THADA: variants seen among roughly 807,000 people sequenced by gnomAD.
THADA encodes the protein THADA armadillo repeat containing.
A neutral mutation model predicts 219.8 loss-of-function variants in THADA; 213 were observed. The observed-to-expected ratio is 0.97, with a 90% CI of 0.87 to 1.09. The LOEUF (loss-of-function observed/expected upper bound fraction) is 1.09. THADA is among the 50% of genes least tolerant of loss of function. THADA has a pLI of 0.00. For synonymous variants in THADA, 1,018 were observed against 828.9 expected (o/e 1.23, Z -3.92); for missense variants, 2,956 against 2,311.3 (o/e 1.28, Z -5.72).
At position 43,577,233 on chromosome 2, in the gene THADA, C is replaced by T. The variant is rs774739883; in HGVS notation, c.826G>A (p.Val276Met). ...SEKIPHLISSVLLRSVDCTSV... is the reference protein window; with the variant it reads ...SEKIPHLISSMLLRSVDCTSV... ...GTGCAGTCCACTGAACGAAGCAGCACACTGCTAATCTGGAAAAATATAGCA... is the reference window on the plus strand; with the variant it reads ...GTGCAGTCCACTGAACGAAGCAGCATACTGCTAATCTGGAAAAATATAGCA... The change falls in exon 10 of 38, where the codon GTG becomes ATG. Residue 276 changes from valine to methionine, a missense_variant. Transcript: ENST00000405975. 7 of 1,586,096 alleles carry T rather than the reference C, an allele frequency of 4.4e-6. No homozygotes were observed. Among genetic ancestry groups the T allele is most frequent in the Non-Finnish European group, 6.0e-6 (7 of 1,166,038 alleles).
At chr2:43,541,048 GATTTT>G (rs1695230062) in intron 21 of THADA, 106 bp downstream of exon 21, 1 of 1,059,292 alleles carries the variant, frequency 9.4e-7, no homozygotes, top group Non-Finnish European at 1.3e-6. Flanking sequence ...ACATTTGTAT[GATTTT>G]ATTCAAGAAA....
At chr2:43,520,320 T>C (rs926372014) in intron 22 of THADA, among the ~76,000 whole-genome samples, 10 of 152,216 alleles carry the variant, frequency 6.6e-5, no homozygotes, top group African/African-American at 1.2e-4. Context: ...TCTGAGTACA[T>C]TGTAAAATTG....
chr2:43,466,556 A>C (rs1684263051), intron 26 of THADA, among the ~76,000 whole-genome samples: 1 of 152,132 alleles, frequency 6.6e-6, no homozygotes, highest in African/African-American at 2.4e-5. Flanking sequence ...TTGTGGGCAA[A>C]GACTTTGACT....
At chr2:43,296,457 G>C (rs1216507838) in intron 31 of THADA, among the ~76,000 whole-genome samples, 3 of 151,658 alleles carry the variant, frequency 2.0e-5, no homozygotes. Flanking sequence ...TGTATTTTTA[G>C]TAGAGACAGG....
At chr2:43,546,855 C>A (rs931085044) in intron 20 of THADA, among the ~76,000 whole-genome samples, 2 of 152,130 alleles carry the variant, frequency 1.3e-5, no homozygotes, top group African/African-American at 2.4e-5. Flanking sequence ...TCAATTGGAG[C>A]ATTTAGTCCA....
intron 29 of THADA, among the ~76,000 whole-genome samples, chr2:43,373,109 C>T (rs1427576238): frequency 1.3e-5 from 2 of 152,164 alleles, no homozygotes; most frequent in Non-Finnish European, 2.9e-5. Flanking sequence ...ACCATCACAC[C>T]CTTTGAATTA....
At chr2:43,263,180 T>C (rs1671153834) in intron 36 of THADA, among the ~76,000 whole-genome samples, 2 of 152,208 alleles carry the variant, frequency 1.3e-5, no homozygotes, top group Admixed American at 6.5e-5. Context: ...CCCTCCCCAG[T>C]AGCCCATCCA....
intron 36 of THADA, among the ~76,000 whole-genome samples, chr2:43,272,484 G>A (rs527514695): frequency 1.3e-5 from 2 of 152,274 alleles, no homozygotes; most frequent in Non-Finnish European, 1.5e-5. Flanking sequence ...TTTGTTGAAT[G>A]AATGAACAAG....
At chr2:43,342,419 G>A (rs979215044) in intron 30 of THADA, among the ~76,000 whole-genome samples, 6 of 152,334 alleles carry the variant, frequency 3.9e-5, no homozygotes, top group East Asian at 3.9e-4. Flanking sequence ...AGCTTTCACT[G>A]TGTGGCCTGG....
intron 28 of THADA, among the ~76,000 whole-genome samples, chr2:43,405,337 C>A (rs17406451): frequency 0.31 from 46,949 of 152,008 alleles, 7,536 homozygotes; most frequent in South Asian, 0.34. Flanking sequence ...ACACACACAC[C>A]AAGTTTGTAT....
chr2:43,480,806 A>G (rs998831619), intron 26 of THADA, among the ~76,000 whole-genome samples: 3 of 150,440 alleles, frequency 2.0e-5, no homozygotes, highest in African/African-American at 7.3e-5. Context: ...CAACAGTGCG[A>G]GACTCTGTCT....
At chr2:43,450,586 A>G (rs931875595) in intron 26 of THADA, among the ~76,000 whole-genome samples, 24 of 152,222 alleles carry the variant, frequency 1.6e-4, no homozygotes, top group African/African-American at 4.3e-4. Context: ...GCTATAAGGC[A>G]TATAGAAAAC....
At chr2:43,362,368 G>T (rs1669628382) in intron 29 of THADA, among the ~76,000 whole-genome samples, 1 of 152,186 alleles carries the variant, frequency 6.6e-6, no homozygotes, top group African/African-American at 2.4e-5. Flanking sequence ...ATTATTTAAT[G>T]ACAGGCATAC....
chr2:43,389,268 TA>T (rs1192295441), intron 29 of THADA, among the ~76,000 whole-genome samples: 2 of 152,218 alleles, frequency 1.3e-5, no homozygotes, highest in Admixed American at 6.5e-5. Flanking sequence ...AGCTTTTGTG[TA>T]CTTATTAACT....
intron 21 of THADA, among the ~76,000 whole-genome samples, chr2:43,533,141 C>T (rs919954808): frequency 4.6e-5 from 7 of 152,156 alleles, no homozygotes; most frequent in African/African-American, 1.4e-4. Flanking sequence ...ATGAAAAAAG[C>T]TCATCATCAC....
intron 26 of THADA, among the ~76,000 whole-genome samples, chr2:43,455,229 G>C (rs556349954): frequency 6.6e-6 from 1 of 151,916 alleles, no homozygotes; most frequent in Non-Finnish European, 1.5e-5. Context: ...ATTTTTACTT[G>C]GGCTATCATA....
At chr2:43,351,245 G>C (rs1473303710) in intron 29 of THADA, among the ~76,000 whole-genome samples, 1 of 152,152 alleles carries the variant, frequency 6.6e-6, no homozygotes, top group Non-Finnish European at 1.5e-5. Context: ...ACCTCCTAAA[G>C]AATGTGCTGG....
intron 28 of THADA, among the ~76,000 whole-genome samples, chr2:43,422,056 C>G (rs1677784393): frequency 6.6e-6 from 1 of 152,214 alleles, no homozygotes; most frequent in Admixed American, 6.5e-5. Context: ...TTGATGATAT[C>G]CAGTCCAACC....
chr2:43,592,113 C>T (rs1045370727), intron 2 of THADA, 67 bp from the exon 3 acceptor site: 7 of 1,310,166 alleles, frequency 5.3e-6, no homozygotes, highest in Non-Finnish European at 7.3e-6. Context: ...CTTTGTTGTG[C>T]ATTCTACAAA....
Sources: allele counts gnomAD v4.1 joint callset (sites outside exome capture counted in the v4.1 genomes callset), GRCh38; gene constraint gnomAD v4.1.1; transcripts MANE v1.5; gene names NCBI Gene and HGNC (gene_info 2026-07-23, HGNC 2026-07-21).